Variants in SAMMSON observed in about 807,000 individuals in gnomAD.
SAMMSON encodes long intergenic non-protein coding RNA 1212.
intron 4 of SAMMSON, among the ~76,000 whole-genome samples, chr3:70,180,560 T>C (rs1028596021): frequency 6.6e-6 from 1 of 152,176 alleles, no homozygotes; most frequent in African/African-American, 2.4e-5. Flanking sequence ...CCTGGGTCTC[T>C]TTTATACACC....
intron 3 of SAMMSON, among the ~76,000 whole-genome samples, chr3:70,029,341 A>G (rs1483301437): frequency 1.3e-5 from 2 of 152,202 alleles, no homozygotes; most frequent in African/African-American, 2.4e-5. Flanking sequence ...GATGAGACCA[A>G]TGTGGAACCT....
intron 3 of SAMMSON, among the ~76,000 whole-genome samples, chr3:70,037,417 ACTCAATCT>A (rs1183623655): frequency 3.5e-4 from 54 of 152,150 alleles, no homozygotes; most frequent in African/African-American, 1.3e-3. Context: ...TTGGTTCATA[ACTCAATCT>A]CCTCCTCCGC....
At chr3:70,261,846 C>T (rs531161518) in intron 6 of SAMMSON, among the ~76,000 whole-genome samples, 2 of 152,088 alleles carry the variant, frequency 1.3e-5, no homozygotes, top group Non-Finnish European at 2.9e-5. Context: ...CCTGAATGCC[C>T]GAACCCTTTT....
intron 9 of SAMMSON, among the ~76,000 whole-genome samples, chr3:70,372,994 C>G (rs1022654372): frequency 6.6e-6 from 1 of 152,110 alleles, no homozygotes; most frequent in African/African-American, 2.4e-5. Flanking sequence ...CTTCATTAAA[C>G]AATGTTGTAA....
Position 70,285,573 on chromosome 3 carries a change from A to T in SAMMSON, n.675-5606A>T, listed in dbSNP as rs1313835244. 1.4e-4 allele frequency among the ~76,000 whole-genome samples: 21 copies of T among 152,068 alleles called. No individual in the cohort carries two copies. The East Asian group carries it at 4.1e-3, about 30-fold the overall frequency. Reference sequence around the variant, plus strand: ...TTTATAGTCCTTTGGGTATATACCCAGTAATGGGATGGCTGTGTCAAATGG... The same window carrying T: ...TTTATAGTCCTTTGGGTATATACCCTGTAATGGGATGGCTGTGTCAAATGG... On this transcript the variant is annotated intron_variant and non_coding_transcript_variant, in intron 6 of 9. Coordinates refer to ENST00000642114, the Ensembl canonical transcript of SAMMSON.
At chr3:70,351,188 G>T (rs905817660) in intron 7 of SAMMSON, among the ~76,000 whole-genome samples, 10 of 152,098 alleles carry the variant, frequency 6.6e-5, no homozygotes, top group Non-Finnish European at 1.3e-4. Context: ...TTGGCCAGGT[G>T]TAGTTCATGT....
At chr3:70,190,600 C>A (rs1198784960) in intron 4 of SAMMSON, among the ~76,000 whole-genome samples, 3 of 152,170 alleles carry the variant, frequency 2.0e-5, no homozygotes, top group Non-Finnish European at 4.4e-5. Flanking sequence ...TGGTTACATG[C>A]AGGAGGATTT....
chr3:70,321,324 T>A (rs1393511628), intron 7 of SAMMSON, among the ~76,000 whole-genome samples: 2 of 152,214 alleles, frequency 1.3e-5, no homozygotes, highest in East Asian at 3.9e-4. Context: ...ATTTTCTAGA[T>A]TGAATATAAA....
chr3:70,019,819 A>G (rs2067004242), intron 3 of SAMMSON, among the ~76,000 whole-genome samples: 1 of 152,158 alleles, frequency 6.6e-6, no homozygotes, highest in Non-Finnish European at 1.5e-5. Context: ...TTAATATTCC[A>G]TATTAACACA....
chr3:70,114,133 C>T (rs916113518), intron 4 of SAMMSON, among the ~76,000 whole-genome samples: 1 of 152,184 alleles, frequency 6.6e-6, no homozygotes, highest in Admixed American at 6.5e-5. Context: ...GTTTTGTGCC[C>T]TCCAGAGGAG....
intron 4 of SAMMSON, among the ~76,000 whole-genome samples, chr3:70,105,238 T>C (rs1266644943): frequency 1.3e-5 from 2 of 152,232 alleles, no homozygotes; most frequent in African/African-American, 2.4e-5. Context: ...GTTGGTTTTA[T>C]ACTTTGCTAA....
At chr3:70,024,584 C>G (rs1443715383) in intron 3 of SAMMSON, among the ~76,000 whole-genome samples, 1 of 152,134 alleles carries the variant, frequency 6.6e-6, no homozygotes, top group Non-Finnish European at 1.5e-5. Context: ...TCTGCTGCCT[C>G]CCAGCTGAAT....
chr3:70,111,963 G>T (rs139428242), intron 4 of SAMMSON, among the ~76,000 whole-genome samples: 2 of 152,216 alleles, frequency 1.3e-5, no homozygotes, highest in East Asian at 3.9e-4. Context: ...GGTAGAATGA[G>T]AAGGTCCAAA....
chr3:70,432,919 T>G (rs80253688), intron 2 of SAMMSON, among the ~76,000 whole-genome samples: 3,123 of 152,188 alleles, frequency 0.021, 156 homozygotes, highest in South Asian at 0.096. Flanking sequence ...ATACAGTATG[T>G]AGTTTTTTCA....
chr3:70,100,544 T>A (rs1427342262), intron 4 of SAMMSON, among the ~76,000 whole-genome samples: 1 of 79,042 alleles, frequency 1.3e-5, no homozygotes, highest in Non-Finnish European at 2.7e-5. Flanking sequence ...AAGCACCAAA[T>A]GTAGTTTTCT....
At chr3:70,306,511 C>T (rs925576531) in intron 7 of SAMMSON, among the ~76,000 whole-genome samples, 1 of 152,108 alleles carries the variant, frequency 6.6e-6, no homozygotes, top group African/African-American at 2.4e-5. Context: ...TCTCATCTTT[C>T]ACACTCTTTC....
At chr3:70,423,331 G>T (rs1229980037) in intron 2 of SAMMSON, among the ~76,000 whole-genome samples, 1 of 152,112 alleles carries the variant, frequency 6.6e-6, no homozygotes, top group African/African-American at 2.4e-5. Flanking sequence ...AATGTTGTAA[G>T]AATGGTCCCT....
intron 6 of SAMMSON, chr3:70,283,789 A>C (rs2106684537): frequency 6.6e-6 from 1 of 151,850 alleles, no homozygotes; most frequent in Non-Finnish European, 1.5e-5. Flanking sequence ...AAAAAAAGAG[A>C]GAGAAGAAAA....
At chr3:70,082,746 A>G (rs1051357600) in intron 4 of SAMMSON, among the ~76,000 whole-genome samples, 1 of 152,202 alleles carries the variant, frequency 6.6e-6, no homozygotes, top group Non-Finnish European at 1.5e-5. Flanking sequence ...AGGACTGTCC[A>G]TGAAATGTAG....
Sources: gnomAD v4.1 joint callset for allele counts (sites outside exome capture counted in the v4.1 genomes callset) on GRCh38, gnomAD v4.1.1 for gene constraint, MANE v1.5 for transcripts, NCBI Gene and HGNC (gene_info 2026-07-23, HGNC 2026-07-21) for gene names.